Variants in ARSG observed in about 807,000 individuals in gnomAD.
The protein encoded by ARSG is ASG.
Under a neutral mutation model 50.5 loss-of-function variants are expected in ARSG, and 37 were observed. The observed-to-expected ratio is 0.73, with a 90% CI of 0.56 to 0.96. The LOEUF (loss-of-function observed/expected upper bound fraction) is 0.96. Among genes scored for constraint, ARSG ranks in the 50% least tolerant of loss-of-function variants. The pLI is 0.00. For synonymous variants in ARSG, 225 were observed against 254.6 expected, an observed-to-expected ratio of 0.88 and a Z score of 1.11; for missense variants, 629 against 675.3, an observed-to-expected ratio of 0.93 and a Z score of 0.76.
At chr17:68,433,169 T>C in the ARSG span, among the ~76,000 whole-genome samples, 3 of 152,264 alleles carry the variant, frequency 2.0e-5, no homozygotes, top group East Asian at 5.8e-4. Context: ...AATACTACTG[T>C]TATGTTCATT....
intron 4 of ARSG, among the ~76,000 whole-genome samples, chr17:68,347,742 G>A (rs1054051194): frequency 1.3e-5 from 2 of 152,242 alleles, no homozygotes; most frequent in Admixed American, 6.5e-5. Flanking sequence ...GTTGCAGTTC[G>A]TGCCACTGAC....
At chr17:68,302,226 C>G (rs1012884148) in intron 1 of ARSG, among the ~76,000 whole-genome samples, 5 of 152,148 alleles carry the variant, frequency 3.3e-5, no homozygotes, top group Non-Finnish European at 2.9e-5. Flanking sequence ...TGGCCGCCAG[C>G]CAGCACACAG....
At chr17:68,430,859 T>G in the ARSG span, among the ~76,000 whole-genome samples, 1 of 152,202 alleles carries the variant, frequency 6.6e-6, no homozygotes, top group Non-Finnish European at 1.5e-5. Flanking sequence ...AGCAGGCAAC[T>G]GCTGAGAGGC....
chr17:68,407,845 T>C (rs1031228896), intron 11 of ARSG, among the ~76,000 whole-genome samples: 8 of 152,082 alleles, frequency 5.3e-5, no homozygotes, highest in African/African-American at 1.9e-4. Flanking sequence ...AATGCCCTTT[T>C]ACTGATTTGA....
chr17:68,327,799 G>A (rs1034800550), intron 2 of ARSG, among the ~76,000 whole-genome samples: 17 of 152,138 alleles, frequency 1.1e-4, no homozygotes, highest in Non-Finnish European at 2.9e-5. Flanking sequence ...AGAGCATGAC[G>A]GGTTATGGTG....
At chr17:68,294,796 T>TTC (rs2076148517) in intron 1 of ARSG, among the ~76,000 whole-genome samples, 1 of 152,156 alleles carries the variant, frequency 6.6e-6, no homozygotes, top group African/African-American at 2.4e-5. Context: ...GAACCGATGG[T>TTC]ACAGGTAGTT....
At chr17:68,276,840 G>A (rs1555751123) in intron 1 of ARSG, among the ~76,000 whole-genome samples, 1 of 152,110 alleles carries the variant, frequency 6.6e-6, no homozygotes, top group Non-Finnish European at 1.5e-5. Context: ...GAACTCATGA[G>A]ACCTGGCATG....
chr17:68,434,310 C>T, the ARSG span, among the ~76,000 whole-genome samples: 5 of 152,152 alleles, frequency 3.3e-5, no homozygotes, highest in Non-Finnish European at 4.4e-5. Context: ...TCTCCTGTGC[C>T]GGCCGCCCAC....
chr17:68,293,765 C>T (rs2145301107), intron 1 of ARSG, among the ~76,000 whole-genome samples: 1 of 152,154 alleles, frequency 6.6e-6, no homozygotes, highest in South Asian at 2.1e-4. Context: ...CACTTTTTAC[C>T]ACTAGAGCTC....
chr17:68,362,678 C>T (rs2079349925), intron 6 of ARSG, among the ~76,000 whole-genome samples: 1 of 152,204 alleles, frequency 6.6e-6, no homozygotes, highest in Non-Finnish European at 1.5e-5. Context: ...ACCGGCTGAG[C>T]ATCCCTAATC....
intron 6 of ARSG, among the ~76,000 whole-genome samples, chr17:68,364,354 TTTGTTGTTG>T (rs969270133): frequency 6.6e-6 from 1 of 152,028 alleles, no homozygotes; most frequent in African/African-American, 2.4e-5. Context: ...TAACCTGTTT[TTTGTTGTTG>T]TTGTTGTTGT....
rs375846276 is a variant in ARSG, at chr17:68,314,824, A to G, written c.218+7113A>G. Reference sequence around the variant, plus strand: ...TTGTTATTGTTACTAGAAATGTCCAAATGGAATGTCAGTGTGAATTGGCTA... The same window carrying G: ...TTGTTATTGTTACTAGAAATGTCCAGATGGAATGTCAGTGTGAATTGGCTA... On this transcript the variant is annotated intron_variant, in intron 2 of 11. Coordinates refer to ENST00000621439, the MANE Select transcript of ARSG (RefSeq NM_001267727.2). Among the ~76,000 whole-genome samples the G allele has an allele frequency of 1.8e-4, 28 of 152,366 alleles. No individual in the cohort carries two copies. The East Asian group carries it at 5.4e-3, about 29-fold the overall frequency.
chr17:68,442,585 G>A, the ARSG span, among the ~76,000 whole-genome samples: 2 of 152,118 alleles, frequency 1.3e-5, no homozygotes, highest in Non-Finnish European at 2.9e-5. Flanking sequence ...GGCATTTACT[G>A]TCCACTCCCC....
intron 11 of ARSG, among the ~76,000 whole-genome samples, chr17:68,407,893 G>A (rs1452612672): frequency 6.6e-6 from 1 of 151,874 alleles, no homozygotes; most frequent in East Asian, 1.9e-4. Flanking sequence ...GCTCTGGCTA[G>A]GACTTCCAGT....
At chr17:68,329,149 G>C (rs979710915) in intron 2 of ARSG, among the ~76,000 whole-genome samples, 1 of 152,262 alleles carries the variant, frequency 6.6e-6, no homozygotes, top group Non-Finnish European at 1.5e-5. Flanking sequence ...AGCTGACCAA[G>C]AGGGGCCAGC....
chr17:68,274,027 C>A, intron 1 of ARSG: 1 of 1,614,150 alleles, frequency 6.2e-7, no homozygotes, highest in Non-Finnish European at 8.5e-7. Flanking sequence ...ACATCACTAC[C>A]AGACGGTGTC....
intron 5 of ARSG, among the ~76,000 whole-genome samples, chr17:68,352,477 C>T (rs1471787623): frequency 6.6e-6 from 1 of 151,004 alleles, no homozygotes; most frequent in African/African-American, 2.4e-5. Context: ...TCTCTCTGGT[C>T]GTGGGACTCA....
intron 1 of ARSG, among the ~76,000 whole-genome samples, chr17:68,294,973 A>G (rs1421462840): frequency 6.6e-6 from 1 of 152,196 alleles, no homozygotes; most frequent in Non-Finnish European, 1.5e-5. Flanking sequence ...GATGATAATA[A>G]TAATACTACA....
At chr17:68,262,170 CAAAA>C (rs35446089) in intron 1 of ARSG, among the ~76,000 whole-genome samples, 1 of 138,164 alleles carries the variant, frequency 7.2e-6, no homozygotes, top group Non-Finnish European at 1.6e-5. Flanking sequence ...CGAAAACAAA[CAAAA>C]AAAAAAAAAA....
Sources: allele counts gnomAD v4.1 joint callset (sites outside exome capture counted in the v4.1 genomes callset), GRCh38; gene constraint gnomAD v4.1.1; transcripts MANE v1.5; gene names NCBI Gene and HGNC (gene_info 2026-07-23, HGNC 2026-07-21).